The following ITGA10 variants were observed in gnomAD, a reference collection of about 807,000 sequenced individuals.
ITGA10 encodes the protein integrin alpha-10.
ITGA10 carries 105 observed loss-of-function variants against 145.2 expected under a neutral mutation model. The ratio of observed to expected loss-of-function variants is 0.72; its 90% CI spans 0.62 to 0.85. The LOEUF is 0.85. Ranked by LOEUF, ITGA10 falls within the 40% of genes least tolerant of loss-of-function variation. The pLI is 0.00. For missense variants in ITGA10, 1,317 were observed against 1,444.5 expected, an observed-to-expected ratio of 0.91 and a Z score of 1.43; for synonymous variants, 506 against 557.8, an observed-to-expected ratio of 0.91 and a Z score of 1.31.
rs1655611955 is a variant in ITGA10 at position 145,897,584 on chromosome 1, C to A, written c.2502G>T (p.Lys834Asn). Residue 834 changes from lysine to asparagine, a missense_variant, in exon 20 of 30, where the codon AAG becomes AAT. Lys to Asn is a moderately conservative substitution (Grantham distance 94). Transcript: ENST00000369304. ...TCAGGCTCGTATTGTAAGCATTTTCCTTTCTGTTCTCCAGAGTTGTAGATA... is the reference window on the plus strand; with the variant it reads ...TCAGGCTCGTATTGTAAGCATTTTCATTTCTGTTCTCCAGAGTTGTAGATA... Reference protein sequence around the residue: ...VLVSTTLENRKENAYNTSLSL... With the variant: ...VLVSTTLENRNENAYNTSLSL... The A allele has an allele frequency of 6.2e-6, 10 of 1,614,158 alleles. No homozygotes were observed. The highest frequency in any genetic ancestry group is 8.5e-6 in the Non-Finnish European group (10 of 1,180,024).
Position 145,900,029 on chromosome 1 carries a change from C to T in ITGA10, c.1922+28G>A. ...CCTTTAACAGCTATGCTATGCTGTC[C>T]ACCACCACCTGAGCTGGGACCCCTC... is the stretch of plus-strand genomic sequence containing the variant. On this transcript the variant is annotated intron_variant, in intron 15 of 29. Transcript: ENST00000369304. 3.1e-6 allele frequency: 5 copies of T among 1,603,082 alleles called. No individual in the cohort carries two copies. The South Asian group carries it at 4.5e-5, about 14-fold the overall frequency.
intron 7 of ITGA10, 27 bp downstream of exon 7, chr1:145,904,025 C>G (rs1377436472): frequency 6.2e-7 from 1 of 1,613,054 alleles, no homozygotes; most frequent in Non-Finnish European, 8.5e-7. Context: ...GCTCTAGCCT[C>G]CCACACCTGT....
chr1:145,893,461 T>C (rs1260908431), intron 28 of ITGA10, 79 bp downstream of exon 28: 9 of 1,197,572 alleles, frequency 7.5e-6, no homozygotes. Context: ...GCCTTCGTTC[T>C]GAAAAAGCCC....
At position 145,892,310 on chromosome 1, in the gene ITGA10, A is replaced by G. The variant is rs1553743416; in HGVS notation, c.*488T>C. The stretch of plus-strand genomic sequence containing the variant: ...TCTATGAATCACCAGAGTCCACAGG[A>G]AAGCAGCAGATGTTGACTTTACTCC... On this transcript the variant is annotated 3_prime_UTR_variant, in exon 30 of 30. Transcript: ENST00000369304. The G allele has an allele frequency of 1.3e-5, 2 of 154,224 alleles. No homozygotes were observed. The highest frequency in any genetic ancestry group is 3.8e-4 in the East Asian group (2 of 5,228). 9.6% of individuals were successfully genotyped at this position (154,224 alleles called of 1,614,324 possible).
chr1:145,908,475 C>A (rs1657453198), intron 1 of ITGA10, among the ~76,000 whole-genome samples: 1 of 152,178 alleles, frequency 6.6e-6, no homozygotes, highest in Non-Finnish European at 1.5e-5. Context: ...CCCCTACCTA[C>A]CTCCATGGTT....
chr1:145,893,238 T>G lies in ITGA10; in HGVS notation c.3361A>C (p.Ile1121Leu). 6.2e-7 allele frequency: 1 copy of G among 1,614,080 alleles called. No individual in the cohort carries two copies. Among genetic ancestry groups the G allele is most frequent in the Non-Finnish European group, 8.5e-7 (1 of 1,179,998 alleles). ...LEVVQTRPIL[I>L]SLWILIGSVL... Reference sequence around the variant, plus strand: ...CTGCCTATGAGGATCCACAGGGAGATGAGGATAGGCCGGGTCTGAACCACC... The same window carrying G: ...CTGCCTATGAGGATCCACAGGGAGAGGAGGATAGGCCGGGTCTGAACCACC... The change falls in exon 29 of 30, where the codon ATC becomes CTC. Residue 1121 changes from isoleucine (I) to leucine (L), a missense_variant. Transcript: ENST00000369304.
In ITGA10 at chr1:145,909,644, TATATATA is replaced by T. The variant is rs1165149525; in HGVS notation, c.52+312_52+318del. 7.1e-5 allele frequency among the ~76,000 whole-genome samples: 10 copies of T among 140,720 alleles called. No homozygotes were observed. In the South Asian group the frequency reaches 8.4e-4, roughly 12 times the overall value. 92.3% of individuals were successfully genotyped at this position (140,720 alleles called of 152,430 possible). A position where few individuals can be genotyped will look rare whatever the true frequency, so the allele number is the denominator to read the frequency against. On this transcript the variant is annotated intron_variant, in intron 1 of 29. Transcript: ENST00000369304. ...ATTATGTTATATATTATATGTATAT[TATATATA>T]ATATATAATTGTTATATATTATATG...
rs782556015 is a variant in ITGA10 at position 145,897,546 on chromosome 1, G to T, written c.2540C>A (p.Ser847Tyr). Reference sequence around the variant, plus strand: ...GAGACTGGCCAGGTGGAGGTTTCTAGAGAAGATGAGACTCAGGCTCGTATT... The same window carrying T: ...GAGACTGGCCAGGTGGAGGTTTCTATAGAAGATGAGACTCAGGCTCGTATT... The part of the protein sequence containing the change: ...AYNTSLSLIF[S>Y]RNLHLASLTP... Residue 847 changes from serine (S) to tyrosine (Y), a missense_variant, in exon 20 of 30, where the codon TCT (serine) becomes TAT (tyrosine). Transcript: ENST00000369304. The T allele has an allele frequency of 1.4e-5, 23 of 1,614,062 alleles. No individual in the cohort carries two copies. The highest frequency in any genetic ancestry group is 1.9e-5 in the Non-Finnish European group (22 of 1,180,038).
Position 145,906,809 on chromosome 1 carries a change from C to A in ITGA10, c.290G>T (p.Gly97Val). Residue 97 changes from glycine to valine, a missense_variant, in exon 4 of 30, where the codon GGA (glycine) becomes GTA (valine). By Grantham distance (109) the Gly-to-Val change is moderately radical. Transcript: ENST00000369304. ...ATTCACAGCAGGATGAGATGAATTT[C>A]CCAGTTGGTAGTCACCTGGTTGGAA... The part of the protein sequence containing the change: ...AKGHLGDYQL[G>V]NSSHPAVNMH... 3.1e-6 allele frequency: 5 copies of A among 1,613,278 alleles called. No individual in the cohort carries two copies. The highest frequency in any genetic ancestry group is 4.2e-6 in the Non-Finnish European group (5 of 1,179,380).
At chr1:145,907,290 C>A in intron 2 of ITGA10, 64 bp downstream of exon 2, 3 of 1,613,112 alleles carry the variant, frequency 1.9e-6, no homozygotes, top group Non-Finnish European at 2.5e-6. Context: ...TCCCATCTAT[C>A]TTGCCTCCCC....
chr1:145,899,946 G>C, intron 15 of ITGA10, 111 bp downstream of exon 15: 1 of 1,070,616 alleles, frequency 9.3e-7, no homozygotes, highest in Non-Finnish European at 1.3e-6. Flanking sequence ...TAAGAATGGA[G>C]GCACAGAGTA....
intron 25 of ITGA10, 108 bp from the exon 26 acceptor site, chr1:145,895,819 T>C: frequency 9.1e-7 from 1 of 1,098,678 alleles, no homozygotes; most frequent in African/African-American, 1.6e-5. Context: ...TTATAATACC[T>C]TTTTCTTCTC....
At position 145,897,590 on chromosome 1, in the gene ITGA10, G is replaced by A; in HGVS notation, c.2496C>T (p.Asn832=). 4 of 1,614,114 alleles carry A rather than the reference G, an allele frequency of 2.5e-6. No individual in the cohort carries two copies. Among genetic ancestry groups the A allele is most frequent in the East Asian group, 2.2e-5 (1 of 44,878 alleles). ...RKVLVSTTLE[N]RKENAYNTSL... The stretch of plus-strand genomic sequence containing the variant: ...TCGTATTGTAAGCATTTTCCTTTCT[G>A]TTCTCCAGAGTTGTAGATACCAGCA... Residue 832 remains asparagine, a synonymous_variant, in exon 20 of 30, where the codon AAC becomes AAT. Transcript: ENST00000369304.
chr1:145,898,040 C>T, intron 18 of ITGA10, 70 bp downstream of exon 18: 1 of 1,316,122 alleles, frequency 7.6e-7, no homozygotes, highest in East Asian at 2.3e-5. Flanking sequence ...CTCATGTCTT[C>T]TCCCTCCCTC....
In ITGA10 at chr1:145,902,608, G is replaced by A; in HGVS notation, c.921C>T (p.His307=). 4 of 1,604,556 alleles carry A rather than the reference G, an allele frequency of 2.5e-6. No individual in the cohort carries two copies. Among genetic ancestry groups the A allele is most frequent in the Non-Finnish European group, 3.4e-6 (4 of 1,175,642 alleles). ...TGGGATCTCGCTGCCGCCGGAGGTAGTGACCAAGGACCTAAGAGGTCATAA... is the reference window on the plus strand; with the variant it reads ...TGGGATCTCGCTGCCGCCGGAGGTAATGACCAAGGACCTAAGAGGTCATAA... ...VTRYGIAVLG[H]YLRRQRDPSS... Residue 307 remains histidine (H), a synonymous_variant, in exon 9 of 30, where the codon CAC becomes CAT. Coordinates refer to ENST00000369304, the MANE Select transcript of ITGA10 (RefSeq NM_003637.5).
In ITGA10 at chr1:145,897,274, C is replaced by T. The variant is rs782257042; in HGVS notation, c.2640G>A (p.Gly880=). 6.2e-7 allele frequency: 1 copy of T among 1,613,986 alleles called. No individual in the cohort carries two copies. The highest frequency in any genetic ancestry group is 8.5e-7 in the Non-Finnish European group (1 of 1,180,018). ...PSAHARLCSV[G]HPVFQTGAKV... is the part of the protein sequence containing the mutation. ...TGGCTCCAGTCTGGAAGACAGGATG[C>T]CCCACACTGCAGAGCCGGGCATGAG... is the stretch of plus-strand genomic sequence containing the variant. Residue 880 remains glycine (G), a synonymous_variant, in exon 21 of 30, where the codon GGG becomes GGA. Coordinates refer to ENST00000369304, the MANE Select transcript of ITGA10 (RefSeq NM_003637.5).
intron 15 of ITGA10, among the ~76,000 whole-genome samples, chr1:145,899,591 C>G (rs1655945348): frequency 1.3e-5 from 2 of 152,058 alleles, no homozygotes; most frequent in South Asian, 4.1e-4. Flanking sequence ...TCACTGCAAC[C>G]TCTGCCTCCT....
chr1:145,896,259 G>A lies in ITGA10; in HGVS notation c.2919+9C>T. On this transcript the variant is annotated intron_variant, in intron 24 of 29. Coordinates refer to ENST00000369304, the MANE Select transcript of ITGA10 (RefSeq NM_003637.5). The stretch of plus-strand genomic sequence containing the variant: ...TTCTCCTCATGCCAAGACCCCTCCA[G>A]CTTCTCACCCTGAGAGTGGTTTTGA... The A allele has an allele frequency of 6.2e-7, 1 of 1,608,368 alleles. No homozygotes were observed. The highest frequency in any genetic ancestry group is 1.1e-5 in the South Asian group (1 of 90,950).
Position 145,894,311 on chromosome 1 carries a change from C to T in ITGA10, c.3229-676G>A, listed in dbSNP as rs587702572. ...ATTTTTAATAGAGACAGGGTTTCAC[C>T]GTGTTAGCCAGGATGGTCTCGATCT... On this transcript the variant is annotated intron_variant, in intron 27 of 29. Transcript: ENST00000369304. Among the ~76,000 whole-genome samples the T allele has an allele frequency of 8.6e-5, 13 of 151,980 alleles. No homozygotes were observed. The South Asian group carries it at 1.5e-3, about 17-fold the overall frequency.
Sources: allele counts gnomAD v4.1 joint callset (sites outside exome capture counted in the v4.1 genomes callset), GRCh38; gene constraint gnomAD v4.1.1; transcripts MANE v1.5; gene names NCBI Gene and HGNC (gene_info 2026-07-23, HGNC 2026-07-21).